Variants in IL13RA1 observed in about 807,000 individuals in gnomAD.
IL13RA1 encodes the protein interleukin 13 receptor subunit alpha 1.
In IL13RA1, 14 loss-of-function variants were observed where a neutral mutation model predicts 33.8. The ratio of observed to expected loss-of-function variants is 0.41; its 90% CI spans 0.27 to 0.65. The LOEUF is 0.65. Ranked by LOEUF, IL13RA1 falls within the 30% of genes least tolerant of loss-of-function variation. The probability of loss-of-function intolerance (pLI) is 0.28; values close to 1 mark genes in which losing one functional copy is unlikely to be tolerated. For missense variants in IL13RA1, 313 were observed against 327.0 expected, an observed-to-expected ratio of 0.96 and a Z score of 0.33; for synonymous variants, 116 against 115.7, an observed-to-expected ratio of 1.00 and a Z score of -0.02.
chrX:118,797,734 A>G (rs1167614074), downstream of IL13RA1, among the ~76,000 whole-genome samples: 1 of 112,466 alleles, frequency 8.9e-6, no homozygotes, highest in African/African-American at 3.2e-5. Flanking sequence ...GGCTGAAAGC[A>G]GAAGAGGGAG....
chrX:118,766,619 G>A (rs975163888), intron 7 of IL13RA1, 42 bp downstream of exon 7: 3 of 749,078 alleles, frequency 4.0e-6, no homozygotes, highest in Non-Finnish European at 2.1e-6. Context: ...TAGACTTAGA[G>A]CAGTTGGGGG....
downstream of IL13RA1, among the ~76,000 whole-genome samples, chrX:118,795,788 G>A (rs1344193373): frequency 8.9e-6 from 1 of 112,088 alleles, no homozygotes; most frequent in Non-Finnish European, 1.9e-5. Context: ...TCTTTTGAAG[G>A]TGTAACTTAT....
intron 1 of IL13RA1, among the ~76,000 whole-genome samples, chrX:118,728,164 C>T (rs1265261895): frequency 1.8e-5 from 2 of 112,597 alleles, no homozygotes; most frequent in Non-Finnish European, 3.8e-5. Context: ...GGACCACGAC[C>T]GAAGTCCAGG....
the IL13RA1 span, among the ~76,000 whole-genome samples, chrX:118,804,394 TACAC>T: frequency 0.027 from 2,449 of 89,618 alleles, 26 homozygotes; most frequent in African/African-American, 0.047. Context: ...CAGCCATGCA[TACAC>T]ACACACACAC....
intron 4 of IL13RA1, among the ~76,000 whole-genome samples, chrX:118,753,282 A>T (rs1322298210): frequency 8.9e-6 from 1 of 112,347 alleles, no homozygotes; most frequent in African/African-American, 3.2e-5. Flanking sequence ...AATTGTTAAA[A>T]GAATGTTTCC....
Position 118,749,747 on chromosome X carries a change from A to C in IL13RA1, c.457A>C (p.Ser153Arg), listed in dbSNP as rs368784033. Residue 153 changes from serine (S) to arginine (R), a missense_variant, in exon 4 of 11, where the codon AGT becomes CGT. By Grantham distance (110) the Ser-to-Arg change is moderately radical. Transcript: ENST00000371666. ...TTCTTGGCTCCCTGGAAGGAATACC[A>C]GTCCCGACACTAACTATACTCTCTA... is the stretch of plus-strand genomic sequence containing the variant. ...KCSWLPGRNTSPDTNYTLYYW... is the reference protein window; with the variant it reads ...KCSWLPGRNTRPDTNYTLYYW... 8.6e-7 allele frequency: 1 copy of C among 1,160,744 alleles called. No individual in the cohort carries two copies. The highest frequency in any genetic ancestry group is 1.8e-5 in the African/African-American group (1 of 56,185).
intron 10 of IL13RA1, among the ~76,000 whole-genome samples, chrX:118,784,282 T>C (rs1426170555): frequency 9.5e-6 from 1 of 105,618 alleles, no homozygotes; most frequent in African/African-American, 3.5e-5. Context: ...ATAACTATCT[T>C]TAATGGTATG....
At chrX:118,795,666 C>T (rs2018026398), downstream of IL13RA1, among the ~76,000 whole-genome samples, 1 of 112,160 alleles carries the variant, frequency 8.9e-6, no homozygotes, top group Non-Finnish European at 1.9e-5. Context: ...AAAACAAATT[C>T]CTGTAGCCAC....
intron 1 of IL13RA1, among the ~76,000 whole-genome samples, chrX:118,730,367 C>T (rs1322878023): frequency 8.9e-6 from 1 of 111,930 alleles, no homozygotes; most frequent in Non-Finnish European, 1.9e-5. Context: ...GTGGTCCAAA[C>T]AACTAGTACT....
At position 118,758,114 on chromosome X, in the gene IL13RA1, T is replaced by C. The variant is rs2017553156; in HGVS notation, c.548T>C (p.Phe183Ser). Reference protein sequence around the residue: ...CENIFREGQYFGCSFDLTKVK... With the variant: ...CENIFREGQYSGCSFDLTKVK... The stretch of plus-strand genomic sequence containing the variant: ...AACATCTTTAGAGAAGGCCAATACT[T>C]TGGTTGTTCCTTTGATCTGACCAAA... Residue 183 changes from phenylalanine (F) to serine (S), a missense_variant, in exon 5 of 11, where the codon TTT becomes TCT. Coordinates refer to ENST00000371666, the MANE Select transcript of IL13RA1 (RefSeq NM_001560.3). The C allele has an allele frequency of 2.1e-5, 24 of 1,168,646 alleles. No homozygotes were observed. The highest frequency in any genetic ancestry group is 2.8e-5 in the Non-Finnish European group (24 of 859,645).
chrX:118,778,023 A>G (rs1272154675), intron 10 of IL13RA1, among the ~76,000 whole-genome samples: 3 of 110,822 alleles, frequency 2.7e-5, no homozygotes, highest in Non-Finnish European at 3.8e-5. Context: ...CTGTGACTCA[A>G]TTTTTTCATT....
chrX:118,796,798 A>C (rs933600603), downstream of IL13RA1, among the ~76,000 whole-genome samples: 2 of 112,593 alleles, frequency 1.8e-5, no homozygotes, highest in Non-Finnish European at 3.8e-5. Flanking sequence ...GGCCTCCCAA[A>C]GTGCTGGGAT....
rs746002697 is a variant in IL13RA1, at chrX:118,747,025, C to T, written c.300C>T (p.Ser100=). 2.6e-6 allele frequency: 3 copies of T among 1,152,829 alleles called. No homozygotes were observed. The highest frequency in any genetic ancestry group is 6.0e-5 in the East Asian group (2 of 33,521). Residue 100 remains serine, a synonymous_variant, in exon 3 of 11, where the codon TCC becomes TCT. Transcript: ENST00000371666. ...LNERICLQVG[S]QCSTNESEKP... Reference sequence around the variant, plus strand: ...AGAGGATTTGTCTGCAAGTGGGGTCCCAGTGTAGCACCAATGAGAGTGAGA... The same window carrying T: ...AGAGGATTTGTCTGCAAGTGGGGTCTCAGTGTAGCACCAATGAGAGTGAGA...
downstream of IL13RA1, among the ~76,000 whole-genome samples, chrX:118,795,895 T>G (rs2018027980): frequency 8.9e-6 from 1 of 112,653 alleles, no homozygotes. Flanking sequence ...TGTTTTCTTT[T>G]AAACCCTAAC....
At chrX:118,761,467 A>G in intron 6 of IL13RA1, 178 bp downstream of exon 6, 1 of 316,654 alleles carries the variant, frequency 3.2e-6, no homozygotes, top group Non-Finnish European at 5.4e-6. Flanking sequence ...GTATGATAGT[A>G]TCAGCTGCAA....
downstream of IL13RA1, among the ~76,000 whole-genome samples, chrX:118,799,270 C>A (rs1047028989): frequency 8.8e-6 from 1 of 113,042 alleles, no homozygotes; most frequent in Non-Finnish European, 1.9e-5. Flanking sequence ...CGGCCCGAGC[C>A]TCCCGGACGA....
At chrX:118,731,096 T>C (rs1194507545) in intron 1 of IL13RA1, among the ~76,000 whole-genome samples, 2 of 112,288 alleles carry the variant, frequency 1.8e-5, no homozygotes, top group Non-Finnish European at 3.8e-5. Context: ...GCTAGATGAC[T>C]GTACAGACTT....
In IL13RA1 at chrX:118,741,026, C is replaced by A. The variant is rs761697868; in HGVS notation, c.98C>A (p.Pro33Gln). The A allele has an allele frequency of 8.9e-7, 1 of 1,124,234 alleles. No individual in the cohort carries two copies. The highest frequency in any genetic ancestry group is 1.8e-5 in the South Asian group (1 of 54,078). 92.6% of individuals were successfully genotyped at this position (1,124,234 alleles called of 1,213,427 possible). A position where few individuals can be genotyped will look rare whatever the true frequency, so the allele number is the denominator to read the frequency against. Residue 33 changes from proline (P) to glutamine (Q), a missense_variant, in exon 2 of 11, where the codon CCA (proline) becomes CAA (glutamine). Pro to Gln is a moderately conservative substitution (Grantham distance 76). Transcript: ENST00000371666. ...TCCTTGATTTGAACAGAAACTCAGC[C>A]ACCTGTGACAAATTTGAGTGTCTCT... ...GGGAAPTETQ[P>Q]PVTNLSVSVE...
At chrX:118,748,912 T>C (rs1355530708) in intron 3 of IL13RA1, among the ~76,000 whole-genome samples, 2 of 110,032 alleles carry the variant, frequency 1.8e-5, no homozygotes, top group Non-Finnish European at 3.8e-5. Flanking sequence ...TCAGGAGGAA[T>C]GTTTGTTTGT....
Sources: allele counts gnomAD v4.1 joint callset (sites outside exome capture counted in the v4.1 genomes callset), GRCh38; gene constraint gnomAD v4.1.1; transcripts MANE v1.5; gene names NCBI Gene and HGNC (gene_info 2026-07-23, HGNC 2026-07-21).